Variants in CNTNAP5 observed in about 807,000 individuals in gnomAD.
The protein encoded by CNTNAP5 is contactin associated protein family member 5, also known as contactin-associated protein-like 5.
A neutral mutation model predicts 150.2 loss-of-function variants in CNTNAP5; 72 were observed. The observed-to-expected ratio is 0.48, with a 90% CI of 0.40 to 0.58. CNTNAP5 has a LOEUF of 0.58. Among genes scored for constraint, CNTNAP5 ranks in the 20% least tolerant of loss-of-function variants. The pLI is 0.00. For missense variants in CNTNAP5, 1,636 were observed against 1,626.2 expected (o/e 1.01, Z -0.10); for synonymous variants, 672 against 619.8 (o/e 1.08, Z -1.25).
intron 7 of CNTNAP5, among the ~76,000 whole-genome samples, chr2:124,480,016 A>G (rs922743853): frequency 6.6e-6 from 1 of 152,204 alleles, no homozygotes; most frequent in Non-Finnish European, 1.5e-5. Context: ...AATCCATTCA[A>G]CTGAAGTTGA....
At chr2:124,421,991 C>T (rs1404684795) in intron 4 of CNTNAP5, among the ~76,000 whole-genome samples, 1 of 152,190 alleles carries the variant, frequency 6.6e-6, no homozygotes, top group Non-Finnish European at 1.5e-5. Flanking sequence ...TGTTTACCTA[C>T]TCTAGTACCT....
At chr2:124,496,964 G>T (rs1303751199) in intron 7 of CNTNAP5, among the ~76,000 whole-genome samples, 1 of 152,116 alleles carries the variant, frequency 6.6e-6, no homozygotes, top group Non-Finnish European at 1.5e-5. Context: ...ACAAAGAGTA[G>T]TCCCTTATTC....
At chr2:124,147,545 A>G (rs1684284565) in intron 1 of CNTNAP5, among the ~76,000 whole-genome samples, 1 of 152,256 alleles carries the variant, frequency 6.6e-6, no homozygotes. Flanking sequence ...ATTGTAAGAC[A>G]CACAGAGGTT....
chr2:124,897,595 A>G (rs1173994732), intron 21 of CNTNAP5, among the ~76,000 whole-genome samples: 1 of 151,450 alleles, frequency 6.6e-6, no homozygotes, highest in Non-Finnish European at 1.5e-5. Flanking sequence ...TGTAGCTGGG[A>G]GACTGGGTGT....
At chr2:124,806,727 T>C (rs1464373421) in intron 19 of CNTNAP5, among the ~76,000 whole-genome samples, 1 of 152,192 alleles carries the variant, frequency 6.6e-6, no homozygotes, top group African/African-American at 2.4e-5. Flanking sequence ...AGTGCCTTGG[T>C]TCTTCATCTG....
intron 6 of CNTNAP5, among the ~76,000 whole-genome samples, chr2:124,461,877 A>AG (rs1693265210): frequency 6.7e-6 from 1 of 150,078 alleles, no homozygotes; most frequent in Non-Finnish European, 1.5e-5. Context: ...AAAAAAGAAA[A>AG]AAAAAGTCGT....
chr2:124,725,950 G>A (rs1277159623), intron 13 of CNTNAP5, among the ~76,000 whole-genome samples: 1 of 151,610 alleles, frequency 6.6e-6, no homozygotes. Context: ...TGGGTGCATG[G>A]TATATATGCG....
chr2:124,885,025 G>C (rs946556671), intron 21 of CNTNAP5, among the ~76,000 whole-genome samples: 1 of 151,986 alleles, frequency 6.6e-6, no homozygotes, highest in African/African-American at 2.4e-5. Context: ...TCAACCAATG[G>C]AGCATGACTA....
intron 7 of CNTNAP5, among the ~76,000 whole-genome samples, chr2:124,480,572 T>C (rs535740242): frequency 7.9e-5 from 12 of 152,296 alleles, no homozygotes; most frequent in African/African-American, 2.6e-4. Flanking sequence ...CTTACCTCCC[T>C]GTGACCCAAA....
At chr2:124,894,571 T>A (rs1678265422) in intron 21 of CNTNAP5, among the ~76,000 whole-genome samples, 1 of 150,870 alleles carries the variant, frequency 6.6e-6, no homozygotes, top group African/African-American at 2.5e-5. Flanking sequence ...TTTTTTTTTT[T>A]AAGACAAAAT....
intron 1 of CNTNAP5, among the ~76,000 whole-genome samples, chr2:124,109,667 G>A (rs1683251607): frequency 1.3e-5 from 2 of 152,182 alleles, no homozygotes; most frequent in South Asian, 4.1e-4. Context: ...ACAGACAGCT[G>A]GTGAGCCACA....
intron 11 of CNTNAP5, among the ~76,000 whole-genome samples, chr2:124,577,927 C>T (rs550961313): frequency 5.1e-4 from 77 of 152,058 alleles, no homozygotes; most frequent in South Asian, 2.7e-3. Flanking sequence ...TGATGATAGA[C>T]AAAACTGGTA....
intron 17 of CNTNAP5, among the ~76,000 whole-genome samples, chr2:124,788,849 T>C (rs1573618237): frequency 6.6e-6 from 1 of 152,048 alleles, no homozygotes; most frequent in Admixed American, 6.5e-5. Context: ...GCCAGGCGGG[T>C]CTTGAACTCC....
At chr2:124,912,324 T>C (rs1019620647) in intron 23 of CNTNAP5, among the ~76,000 whole-genome samples, 1 of 152,104 alleles carries the variant, frequency 6.6e-6, no homozygotes, top group Non-Finnish European at 1.5e-5. Context: ...GGCGTTTTCC[T>C]TTTAAAAACC....
rs200309479 is a variant in CNTNAP5, at chr2:124,062,867, A to AT, written c.82+37141dup. ...GAAAGACACAAAGGGTCCTTTTGGC[A>AT]TTTTTTCATGGAGGACACAGCAGTC... On this transcript the variant is annotated intron_variant, in intron 1 of 23. Coordinates refer to ENST00000682447, the MANE Select transcript of CNTNAP5 (RefSeq NM_001367498.1). Among the ~76,000 whole-genome samples the AT allele has an allele frequency of 5.8e-4, 88 of 152,078 alleles. No homozygotes were observed. The East Asian group carries it at 0.017, about 29-fold the overall frequency.
intron 19 of CNTNAP5, 61 bp downstream of exon 19, chr2:124,798,381 C>A: frequency 1.7e-6 from 2 of 1,177,536 alleles, no homozygotes; most frequent in Non-Finnish European, 1.3e-6. Context: ...ACGGTGCATG[C>A]CCTCCAGAAC....
chr2:124,707,486 T>C (rs1447108476), intron 13 of CNTNAP5, among the ~76,000 whole-genome samples: 2 of 152,122 alleles, frequency 1.3e-5, no homozygotes, highest in African/African-American at 4.8e-5. Context: ...AAATCCAGAG[T>C]GCAATAAATG....
intron 3 of CNTNAP5, among the ~76,000 whole-genome samples, chr2:124,329,166 T>C (rs2104678088): frequency 6.6e-6 from 1 of 152,222 alleles, no homozygotes; most frequent in African/African-American, 2.4e-5. Flanking sequence ...TCGTCTGAGC[T>C]CTGGAGGAAG....
intron 4 of CNTNAP5, among the ~76,000 whole-genome samples, chr2:124,426,539 T>C (rs1692242099): frequency 6.6e-6 from 1 of 152,174 alleles, no homozygotes; most frequent in African/African-American, 2.4e-5. Context: ...TGTGAACAAC[T>C]GAAGAGTCCA....
Sources: allele counts gnomAD v4.1 joint callset (sites outside exome capture counted in the v4.1 genomes callset), GRCh38; gene constraint gnomAD v4.1.1; transcripts MANE v1.5; gene names NCBI Gene and HGNC (gene_info 2026-07-23, HGNC 2026-07-21).